Variants in PRKG1 observed in about 807,000 individuals in gnomAD.
PRKG1 encodes protein kinase cGMP-dependent 1.
PRKG1 carries 35 observed loss-of-function variants against 88.1 expected under a neutral mutation model. The ratio of observed to expected loss-of-function variants is 0.40; its 90% CI spans 0.30 to 0.53. The LOEUF is 0.53. Among genes scored for constraint, PRKG1 ranks in the 20% least tolerant of loss-of-function variants. The probability of loss-of-function intolerance (pLI) is 0.59; values close to 1 mark genes in which losing one functional copy is unlikely to be tolerated. For missense variants in PRKG1, 540 were observed against 839.8 expected (o/e 0.64, Z 4.41); for synonymous variants, 303 against 292.5 (o/e 1.04, Z -0.37).
intron 2 of PRKG1, among the ~76,000 whole-genome samples, chr10:51,450,635 T>C (rs372789772): frequency 1.4e-4 from 21 of 152,132 alleles, no homozygotes; most frequent in African/African-American, 4.8e-4. Flanking sequence ...CCAGAGAATA[T>C]ATATGGAAAA....
intron 3 of PRKG1, among the ~76,000 whole-genome samples, chr10:51,760,639 T>G (rs781246881): frequency 6.6e-6 from 1 of 151,984 alleles, no homozygotes; most frequent in African/African-American, 2.4e-5. Flanking sequence ...ACCCAGCTAA[T>G]TTTTATATTT....
intron 5 of PRKG1, among the ~76,000 whole-genome samples, chr10:51,998,123 A>T (rs1216032275): frequency 6.6e-6 from 1 of 152,194 alleles, no homozygotes; most frequent in Non-Finnish European, 1.5e-5. Context: ...ATGTGAATTT[A>T]TCCGGACTCT....
At chr10:51,191,427 A>G (rs547794865) in intron 2 of PRKG1, among the ~76,000 whole-genome samples, 16 of 152,000 alleles carry the variant, frequency 1.1e-4, no homozygotes, top group Non-Finnish European at 1.9e-4. Context: ...TGAAGAATAA[A>G]TGCGTGTAAA....
chr10:51,976,558 T>C (rs1315491086), intron 5 of PRKG1, among the ~76,000 whole-genome samples: 1 of 152,010 alleles, frequency 6.6e-6, no homozygotes, highest in South Asian at 2.1e-4. Flanking sequence ...GTCAAATCTA[T>C]AGAAACAGTA....
Position 51,703,417 on chromosome 10 carries a change from A to G in PRKG1, c.593-101168A>G, listed in dbSNP as rs576269111. 4.6e-5 allele frequency among the ~76,000 whole-genome samples: 7 copies of G among 152,238 alleles called. No individual in the cohort carries two copies. In the East Asian group the frequency reaches 1.4e-3, roughly 29 times the overall value. On this transcript the variant is annotated intron_variant, in intron 3 of 17. Transcript: ENST00000373980. ...CCACAAAGCTTTCTATGACCTTTCT[A>G]CCCTTTCCCCTAGGTTAGAAGTAAT...
chr10:52,253,235 A>G (rs1333963028), intron 10 of PRKG1: 1 of 152,064 alleles, frequency 6.6e-6, no homozygotes, highest in Admixed American at 6.6e-5. Context: ...TGTTGACAAA[A>G]AAAAAATCAG....
intron 3 of PRKG1, among the ~76,000 whole-genome samples, chr10:51,599,561 G>A (rs1838544005): frequency 1.3e-5 from 2 of 152,048 alleles, no homozygotes; most frequent in African/African-American, 4.8e-5. Context: ...TTACAACACT[G>A]TATCTTTCTT....
At chr10:51,375,758 G>GC (rs1389527695) in intron 2 of PRKG1, among the ~76,000 whole-genome samples, 1 of 140,576 alleles carries the variant, frequency 7.1e-6, no homozygotes, top group Non-Finnish European at 1.6e-5. Flanking sequence ...TGGTGGTGGG[G>GC]GGGTGTTACT....
intron 9 of PRKG1, among the ~76,000 whole-genome samples, chr10:52,202,100 G>T (rs530857758): frequency 3.3e-5 from 5 of 152,158 alleles, no homozygotes; most frequent in African/African-American, 1.2e-4. Context: ...ATGTTGAATA[G>T]GAGTGGTGAG....
At chr10:51,505,079 G>C (rs1841154811) in intron 3 of PRKG1, among the ~76,000 whole-genome samples, 1 of 152,108 alleles carries the variant, frequency 6.6e-6, no homozygotes, top group Admixed American at 6.6e-5. Flanking sequence ...TCCAGTTTTT[G>C]CCCATTCAGT....
chr10:51,462,396 A>C (rs915444252), intron 2 of PRKG1, among the ~76,000 whole-genome samples: 1 of 152,216 alleles, frequency 6.6e-6, no homozygotes, highest in African/African-American at 2.4e-5. Flanking sequence ...TGAAAAACTC[A>C]TAAGGATAAA....
intron 2 of PRKG1, among the ~76,000 whole-genome samples, chr10:51,218,506 TATATATATATATATATATATATATAA>T (rs993212603): frequency 4.4e-5 from 5 of 114,248 alleles, no homozygotes; most frequent in African/African-American, 1.9e-4. Context: ...TATATATATA[TATATATATATATATATATATATATAA>T]AATGTGTGTA....
chr10:52,250,723 T>A lies in PRKG1; in HGVS notation c.1077-847T>A, dbSNP rs1043520510. On this transcript the variant is annotated intron_variant, in intron 9 of 17. Coordinates refer to ENST00000373980, the MANE Select transcript of PRKG1 (RefSeq NM_006258.4). ...CATCTTTATGCCTTCCTGTCCTTTC[T>A]AAAAATAGCAGGGCCTTTGACAAGG... is the stretch of plus-strand genomic sequence containing the variant. 3.3e-5 allele frequency among the ~76,000 whole-genome samples: 5 copies of A among 152,184 alleles called. No homozygotes were observed. In the East Asian group the frequency reaches 7.7e-4, roughly 23 times the overall value.
chr10:51,533,043 T>C (rs1378387573), intron 3 of PRKG1, among the ~76,000 whole-genome samples: 1 of 152,126 alleles, frequency 6.6e-6, no homozygotes, highest in East Asian at 1.9e-4. Context: ...TCCGAGAAAA[T>C]ATGACTGACC....
chr10:51,646,157 A>G (rs188519293), intron 3 of PRKG1, among the ~76,000 whole-genome samples: 1 of 152,318 alleles, frequency 6.6e-6, no homozygotes, highest in Admixed American at 6.5e-5. Context: ...TCCAAAGTTT[A>G]GTACAGTTTG....
intron 3 of PRKG1, among the ~76,000 whole-genome samples, chr10:51,593,870 A>T (rs533971050): frequency 1.1e-4 from 17 of 152,142 alleles, no homozygotes; most frequent in South Asian, 6.2e-4. Flanking sequence ...GATTACAGGC[A>T]TCCACTACCA....
intron 3 of PRKG1, among the ~76,000 whole-genome samples, chr10:51,641,831 C>A (rs1839808569): frequency 6.6e-6 from 1 of 152,024 alleles, no homozygotes; most frequent in South Asian, 2.1e-4. Context: ...CTTTAACTTT[C>A]CTCCTTTGGA....
chr10:52,194,102 G>T (rs1026350984), intron 9 of PRKG1, among the ~76,000 whole-genome samples: 11 of 151,770 alleles, frequency 7.2e-5, no homozygotes, highest in African/African-American at 2.7e-4. Context: ...CATGATAACA[G>T]AAAATTCAAA....
chr10:51,827,969 G>T (rs900340266), intron 4 of PRKG1, among the ~76,000 whole-genome samples: 10 of 152,070 alleles, frequency 6.6e-5, no homozygotes, highest in Non-Finnish European at 1.0e-4. Flanking sequence ...TAAAATGATG[G>T]TAATGTCAGG....
Sources: allele counts gnomAD v4.1 joint callset (sites outside exome capture counted in the v4.1 genomes callset), GRCh38; gene constraint gnomAD v4.1.1; transcripts MANE v1.5; gene names NCBI Gene and HGNC (gene_info 2026-07-23, HGNC 2026-07-21).